PLCH1: variants seen among roughly 807,000 people sequenced by gnomAD.
The protein encoded by PLCH1 is 1-phosphatidylinositol 4,5-bisphosphate phosphodiesterase eta-1.
Under a neutral mutation model 126.7 loss-of-function variants are expected in PLCH1, and 60 were observed. That is an observed-to-expected ratio of 0.47 (90% CI 0.38 to 0.59). The LOEUF is 0.59. Among genes scored for constraint, PLCH1 ranks in the 20% least tolerant of loss-of-function variants. The pLI is 0.00. For missense variants in PLCH1, 1,723 were observed against 2,040.0 expected (o/e 0.84, Z 2.99); for synonymous variants, 719 against 734.9 (o/e 0.98, Z 0.35).
intron 2 of PLCH1, among the ~76,000 whole-genome samples, chr3:155,699,082 C>A (rs1465197954): frequency 1.6e-5 from 2 of 127,780 alleles, no homozygotes; most frequent in Non-Finnish European, 1.7e-5. Flanking sequence ...AATCTTTTAT[C>A]TTTTTTTTTT....
At chr3:155,706,590 G>A (rs527338595) in intron 1 of PLCH1, among the ~76,000 whole-genome samples, 28 of 150,246 alleles carry the variant, frequency 1.9e-4, no homozygotes, top group Admixed American at 1.4e-3. Flanking sequence ...ACTGCACTCC[G>A]GCCTGGGCGA....
At chr3:155,690,731 C>T (rs943782309) in intron 2 of PLCH1, among the ~76,000 whole-genome samples, 1 of 152,218 alleles carries the variant, frequency 6.6e-6, no homozygotes, top group African/African-American at 2.4e-5. Flanking sequence ...TTCTCCCTCA[C>T]ACCCATCCTT....
At chr3:155,583,429 G>A (rs778313403) in intron 6 of PLCH1, 43 bp downstream of exon 6, 19 of 1,440,372 alleles carry the variant, frequency 1.3e-5, no homozygotes, top group African/African-American at 5.8e-5. Flanking sequence ...TATCTTTCAT[G>A]AGTACTTTTA....
chr3:155,599,398 GAAGAA>G (rs1277339707), intron 2 of PLCH1, among the ~76,000 whole-genome samples: 1 of 152,098 alleles, frequency 6.6e-6, no homozygotes, highest in African/African-American at 2.4e-5. Context: ...AGAATGATCA[GAAGAA>G]AAGAGAAAAG....
rs111733434 is a variant in PLCH1, at chr3:155,515,077, A to T, written c.1471-193T>A. On this transcript the variant is annotated intron_variant, in intron 11 of 22. Coordinates refer to ENST00000460012, the MANE Select transcript of PLCH1 (RefSeq NM_014996.4). ...CCTTTAATAATAAGGATTACTATTTATTAAGAACTAATTCTCTGCCAGCTA... is the reference window on the plus strand; with the variant it reads ...CCTTTAATAATAAGGATTACTATTTTTTAAGAACTAATTCTCTGCCAGCTA... 4.6e-4 allele frequency among the ~76,000 whole-genome samples: 70 copies of T among 152,356 alleles called. 1 individual carries two copies. The highest frequency in any genetic ancestry group is 1.6e-3 in the African/African-American group (67 of 41,578).
At chr3:155,530,608 C>T (rs537658953) in intron 10 of PLCH1, among the ~76,000 whole-genome samples, 51 of 152,016 alleles carry the variant, frequency 3.4e-4, no homozygotes, top group African/African-American at 1.2e-3. Flanking sequence ...CTTGTTATTT[C>T]TAACACATCT....
chr3:155,592,165 T>C (rs988070009), intron 4 of PLCH1, among the ~76,000 whole-genome samples: 1 of 134,856 alleles, frequency 7.4e-6, no homozygotes, highest in Admixed American at 7.8e-5. Context: ...AAGTTTTTCT[T>C]TTCTCTTTTA....
chr3:155,715,353 G>A (rs762833756), intron 1 of PLCH1, among the ~76,000 whole-genome samples: 12 of 151,782 alleles, frequency 7.9e-5, no homozygotes, highest in Admixed American at 3.3e-4. Context: ...CCAAGCTGGT[G>A]GGCAGTGTCA....
chr3:155,721,120 C>T (rs1747917500), intron 1 of PLCH1, among the ~76,000 whole-genome samples: 1 of 152,152 alleles, frequency 6.6e-6, no homozygotes, highest in African/African-American at 2.4e-5. Flanking sequence ...TGACTATGGC[C>T]TTGTAGTATA....
At chr3:155,685,645 T>TA in intron 2 of PLCH1, among the ~76,000 whole-genome samples, 1 of 152,326 alleles carries the variant, frequency 6.6e-6, no homozygotes, top group Non-Finnish European at 1.5e-5. Flanking sequence ...CAAGCTATTT[T>TA]AAATCTCTCT....
intron 2 of PLCH1, among the ~76,000 whole-genome samples, chr3:155,619,985 T>G (rs1331176940): frequency 6.6e-6 from 1 of 152,252 alleles, no homozygotes; most frequent in Non-Finnish European, 1.5e-5. Context: ...ATAAGCTTCC[T>G]TTAAAAAAAT....
chr3:155,482,213 G>A lies in PLCH1; in HGVS notation c.3813C>T (p.Cys1271=). The part of the protein sequence containing the change: ...HATNTVYETT[C]TPISKTKPDD... ...CTGGTTTGGTTTTAGAGATGGGAGT[G>A]CAGGTAGTTTCATAAACTGTGTTCG... The change falls in exon 23 of 23, where the codon TGC becomes TGT. Residue 1271 remains cysteine (C), a synonymous_variant. Transcript: ENST00000460012. The A allele has an allele frequency of 6.2e-7, 1 of 1,614,136 alleles. No homozygotes were observed. Among genetic ancestry groups the A allele is most frequent in the Non-Finnish European group, 8.5e-7 (1 of 1,180,004 alleles).
chr3:155,717,817 G>T (rs1477258323), intron 1 of PLCH1, among the ~76,000 whole-genome samples: 1 of 152,146 alleles, frequency 6.6e-6, no homozygotes, highest in East Asian at 1.9e-4. Flanking sequence ...TTAGCACTTG[G>T]CTCCCTTTCA....
intron 2 of PLCH1, among the ~76,000 whole-genome samples, chr3:155,624,235 T>C (rs995492918): frequency 1.3e-5 from 2 of 152,186 alleles, no homozygotes; most frequent in African/African-American, 4.8e-5. Context: ...AAACTAGGTA[T>C]TGATGGGACG....
At chr3:155,644,434 C>T (rs542539841) in intron 2 of PLCH1, among the ~76,000 whole-genome samples, 39 of 152,166 alleles carry the variant, frequency 2.6e-4, no homozygotes, top group African/African-American at 8.4e-4. Context: ...GAAACCCCCT[C>T]GCTACTAAAA....
intron 21 of PLCH1, among the ~76,000 whole-genome samples, chr3:155,451,627 T>G (rs1289974058): frequency 6.6e-6 from 1 of 152,190 alleles, no homozygotes; most frequent in African/African-American, 2.4e-5. Context: ...CTCTTTCCAT[T>G]TTTTGGAGGC....
intron 18 of PLCH1, 139 bp from the exon 19 acceptor site, chr3:155,491,007 A>AC: frequency 6.8e-6 from 4 of 585,012 alleles, no homozygotes; most frequent in Non-Finnish European, 1.2e-5. Flanking sequence ...AAGAAATGGT[A>AC]CTAGGTGTGG....
chr3:155,488,164 A>C, intron 20 of PLCH1, 57 bp from the exon 21 acceptor site: 102 of 1,021,810 alleles, frequency 1.0e-4, no homozygotes, highest in Non-Finnish European at 1.2e-4. Flanking sequence ...TGGCTTTCTC[A>C]TGGGTGCAAC....
At chr3:155,479,201 C>T (rs1022384506), downstream of PLCH1, among the ~76,000 whole-genome samples, 1 of 152,138 alleles carries the variant, frequency 6.6e-6, no homozygotes, top group African/African-American at 2.4e-5. Flanking sequence ...ATTTTAACAG[C>T]TGTACAGCAT....
Sources: allele counts gnomAD v4.1 joint callset (sites outside exome capture counted in the v4.1 genomes callset), GRCh38; gene constraint gnomAD v4.1.1; transcripts MANE v1.5; gene names NCBI Gene and HGNC (gene_info 2026-07-23, HGNC 2026-07-21).